Variants in RAPGEF4 observed in about 807,000 individuals in gnomAD.
RAPGEF4 encodes RAP guanine-nucleotide-exchange factor (GEF) 4.
RAPGEF4 carries 66 observed loss-of-function variants against 147.9 expected under a neutral mutation model. The ratio of observed to expected loss-of-function variants is 0.45; its 90% CI spans 0.37 to 0.55. RAPGEF4 has a LOEUF of 0.55. Ranked by LOEUF, RAPGEF4 falls within the 20% of genes least tolerant of loss-of-function variation. The probability of loss-of-function intolerance (pLI) is 0.00; values close to 1 mark genes in which losing one functional copy is unlikely to be tolerated. For missense variants in RAPGEF4, 1,071 were observed against 1,257.3 expected, an observed-to-expected ratio of 0.85 and a Z score of 2.24; for synonymous variants, 419 against 442.7, an observed-to-expected ratio of 0.95 and a Z score of 0.67.
chr2:172,892,657 A>C (rs1410695451), intron 4 of RAPGEF4, among the ~76,000 whole-genome samples: 7 of 152,230 alleles, frequency 4.6e-5, no homozygotes. Flanking sequence ...AAATGCATTC[A>C]ACAAGGGTCC....
chr2:173,017,234 T>C, intron 20 of RAPGEF4, 30 bp downstream of exon 20: 3 of 1,603,620 alleles, frequency 1.9e-6, no homozygotes, highest in Non-Finnish European at 2.6e-6. Flanking sequence ...ATTCTCTGTC[T>C]GTGTCCTGTA....
At chr2:173,018,410 G>A (rs1695704596) in intron 21 of RAPGEF4, among the ~76,000 whole-genome samples, 1 of 152,140 alleles carries the variant, frequency 6.6e-6, no homozygotes, top group Non-Finnish European at 1.5e-5. Context: ...TCTTTGTGGG[G>A]TTTTCACCAA....
At chr2:172,928,562 T>A (rs1450914954) in intron 6 of RAPGEF4, among the ~76,000 whole-genome samples, 2 of 152,226 alleles carry the variant, frequency 1.3e-5, no homozygotes, top group African/African-American at 4.8e-5. Context: ...CATTGCTATA[T>A]TTTAGAATTA....
rs1306737616 is a variant in RAPGEF4, at chr2:173,001,329, C to T, written c.1643C>T (p.Pro548Leu). 2.1e-5 allele frequency: 34 copies of T among 1,613,854 alleles called. No individual in the cohort carries two copies. Among genetic ancestry groups the T allele is most frequent in the Non-Finnish European group, 2.5e-5 (30 of 1,179,952 alleles). ...TTTATGCCAAATACCCAGCTTTGCC[C>T]GGCACTGGTGGCCCAATATCCTTTT... is the stretch of plus-strand genomic sequence containing the variant. ...CVFMPNTQLCPALVAHYHAQP... is the reference protein window; with the variant it reads ...CVFMPNTQLCLALVAHYHAQP... Residue 548 changes from proline (P) to leucine (L), a missense_variant, in exon 17 of 31, where the codon CCG (proline) becomes CTG (leucine). Physicochemically the swap from Pro to Leu is moderately conservative, Grantham distance 98. Transcript: ENST00000397081.
At chr2:172,904,859 G>A (rs1389920544) in intron 4 of RAPGEF4, among the ~76,000 whole-genome samples, 1 of 151,656 alleles carries the variant, frequency 6.6e-6, no homozygotes, top group Non-Finnish European at 1.5e-5. Flanking sequence ...CAAGCAGCAG[G>A]CAGGGCGATC....
intron 6 of RAPGEF4, among the ~76,000 whole-genome samples, chr2:172,956,347 A>G (rs373132627): frequency 1.3e-5 from 2 of 152,090 alleles, no homozygotes; most frequent in East Asian, 1.9e-4. Flanking sequence ...TGGTAAATAC[A>G]ATGAATGGTT....
chr2:173,052,809 C>A lies in RAPGEF4; in HGVS notation c.*1042C>A, dbSNP rs919441200. 1 of 152,238 alleles carries A rather than the reference C, an allele frequency of 6.6e-6. No homozygotes were observed. The highest frequency in any genetic ancestry group is 1.5e-5 in the Non-Finnish European group (1 of 68,000). The allele number at this position is 152,238 out of a possible 1,614,324, so 9.4% of individuals were successfully genotyped here. ...TTTTCCTGTTTTCACAATTAGACTA[C>A]ATTTAATGTGTAGGAATTGTATGTA... is the stretch of plus-strand genomic sequence containing the variant. On this transcript the variant is annotated 3_prime_UTR_variant, in exon 31 of 31. Transcript: ENST00000397081.
Position 173,039,881 on chromosome 2 carries a change from A to G in RAPGEF4, c.2853+3189A>G, listed in dbSNP as rs199657857. On this transcript the variant is annotated intron_variant, in intron 29 of 30. Coordinates refer to ENST00000397081, the MANE Select transcript of RAPGEF4 (RefSeq NM_007023.4). ...CTCATGTGAGAAATTCTACCATAAG[A>G]AAGTTTGATTTTAGAATTGGCCCTC... 1.6e-4 allele frequency among the ~76,000 whole-genome samples: 24 copies of G among 152,222 alleles called. No homozygotes were observed. The East Asian group carries it at 3.7e-3, about 23-fold the overall frequency.
At chr2:172,913,654 A>T (rs1017334259) in intron 4 of RAPGEF4, among the ~76,000 whole-genome samples, 42 of 151,624 alleles carry the variant, frequency 2.8e-4, no homozygotes, top group Non-Finnish European at 5.3e-4. Context: ...TTCCTTTAAA[A>T]TTTTTTTTGT....
intron 1 of RAPGEF4, among the ~76,000 whole-genome samples, chr2:172,768,761 A>G (rs928162425): frequency 7.2e-5 from 11 of 152,240 alleles, no homozygotes; most frequent in African/African-American, 2.7e-4. Flanking sequence ...GGTTTCCATG[A>G]AAAGCTCGAC....
At chr2:172,927,818 G>A (rs1488490604) in intron 6 of RAPGEF4, among the ~76,000 whole-genome samples, 2 of 152,152 alleles carry the variant, frequency 1.3e-5, no homozygotes, top group African/African-American at 2.4e-5. Context: ...CAGTGTCACC[G>A]ATGTTCCCCT....
chr2:172,850,147 T>C (rs775751022), intron 4 of RAPGEF4, among the ~76,000 whole-genome samples: 1 of 152,046 alleles, frequency 6.6e-6, no homozygotes, highest in Non-Finnish European at 1.5e-5. Flanking sequence ...ATGCTGAGAA[T>C]CTTAAAGATA....
At chr2:172,774,678 A>G (rs933106844) in intron 1 of RAPGEF4, among the ~76,000 whole-genome samples, 1 of 152,260 alleles carries the variant, frequency 6.6e-6, no homozygotes, top group Middle Eastern at 3.4e-3. Context: ...GAGTTTTTCT[A>G]CAGACCTCTG....
chr2:172,779,742 G>T (rs80067480), intron 1 of RAPGEF4, among the ~76,000 whole-genome samples: 2,665 of 152,320 alleles, frequency 0.017, 97 homozygotes, highest in African/African-American at 0.061. Flanking sequence ...TGGAAGCAGG[G>T]ATTGCTGCTA....
intron 4 of RAPGEF4, among the ~76,000 whole-genome samples, chr2:172,869,416 C>T (rs1420624561): frequency 6.6e-6 from 1 of 152,072 alleles, no homozygotes; most frequent in Admixed American, 6.5e-5. Context: ...AAGTCCTTTC[C>T]CTGTGGGTAA....
At chr2:172,772,471 G>A (rs2149491170) in intron 1 of RAPGEF4, among the ~76,000 whole-genome samples, 1 of 151,866 alleles carries the variant, frequency 6.6e-6, no homozygotes, top group African/African-American at 2.4e-5. Flanking sequence ...AGCCTCCCGA[G>A]TACCTGGGAT....
intron 17 of RAPGEF4, among the ~76,000 whole-genome samples, chr2:173,011,170 G>GCGCACACACA (rs564434178): frequency 0.036 from 4,743 of 133,454 alleles, 101 homozygotes; most frequent in Non-Finnish European, 0.046. Context: ...GCGCGCGCGC[G>GCGCACACACA]CACACACACA....
intron 17 of RAPGEF4, among the ~76,000 whole-genome samples, chr2:173,005,350 T>C (rs1173301308): frequency 6.6e-6 from 1 of 152,096 alleles, no homozygotes; most frequent in Non-Finnish European, 1.5e-5. Context: ...CAGGCTGGCC[T>C]TCAGTTTAGT....
intron 6 of RAPGEF4, among the ~76,000 whole-genome samples, chr2:172,934,622 G>A (rs1299118148): frequency 6.6e-6 from 1 of 152,052 alleles, no homozygotes; most frequent in African/African-American, 2.4e-5. Context: ...TCAGAATGTG[G>A]TACTGAGAGA....
Sources: allele counts gnomAD v4.1 joint callset (sites outside exome capture counted in the v4.1 genomes callset), GRCh38; gene constraint gnomAD v4.1.1; transcripts MANE v1.5; gene names NCBI Gene and HGNC (gene_info 2026-07-23, HGNC 2026-07-21).